ZNF680: variants seen among roughly 807,000 people sequenced by gnomAD.
The protein encoded by ZNF680 is hypothetical protein FLJ90430.
Under a neutral mutation model 12.1 loss-of-function variants are expected in ZNF680, and 6 were observed. That is an observed-to-expected ratio of 0.49 (90% CI 0.27 to 0.98). The LOEUF (loss-of-function observed/expected upper bound fraction) is 0.98. Ranked by LOEUF, ZNF680 falls within the 50% of genes least tolerant of loss-of-function variation. The pLI is 0.12. For missense variants in ZNF680, 561 were observed against 616.3 expected (o/e 0.91, Z 0.95); for synonymous variants, 170 against 199.3 (o/e 0.85, Z 1.24).
chr7:64,557,465 G>C (rs531152094), intron 1 of ZNF680, among the ~76,000 whole-genome samples: 142 of 151,762 alleles, frequency 9.4e-4, no homozygotes, highest in African/African-American at 2.8e-3. Context: ...TGAGGCTGGA[G>C]AATCGCTTGA....
chr7:64,553,348 A>C (rs1452508012), intron 1 of ZNF680, among the ~76,000 whole-genome samples: 1 of 152,162 alleles, frequency 6.6e-6, no homozygotes, highest in Non-Finnish European at 1.5e-5. Flanking sequence ...AAATGCTTTA[A>C]GAAAAGAGAG....
intron 3 of ZNF680, among the ~76,000 whole-genome samples, chr7:64,534,623 G>C (rs1786061862): frequency 1.3e-5 from 2 of 152,074 alleles, no homozygotes. Flanking sequence ...AAGAACTAAA[G>C]GTAGAACTAC....
the ZNF680 span, among the ~76,000 whole-genome samples, chr7:64,501,997 C>CTTTT: frequency 0.012 from 1,274 of 104,378 alleles, 118 homozygotes; most frequent in African/African-American, 0.045. Context: ...GGACGTATTT[C>CTTTT]TTTTTTTTTT....
chr7:64,554,379 C>T (rs1466984063), intron 1 of ZNF680, among the ~76,000 whole-genome samples: 2 of 151,408 alleles, frequency 1.3e-5, no homozygotes, highest in Non-Finnish European at 2.9e-5. Context: ...TGGGGGGCAG[C>T]CCCAGCCCGG....
chr7:64,510,925 A>T, the ZNF680 span, among the ~76,000 whole-genome samples: 1,959 of 55,854 alleles, frequency 0.035, 422 homozygotes, highest in African/African-American at 0.2. Context: ...AAAAAAATAA[A>T]AAATAAAAAA....
At chr7:64,541,911 G>C (rs1169583473) in intron 3 of ZNF680, among the ~76,000 whole-genome samples, 1 of 152,152 alleles carries the variant, frequency 6.6e-6, no homozygotes, top group African/African-American at 2.4e-5. Context: ...TTCACGGCCA[G>C]TTCTGCCTAT....
At chr7:64,525,794 T>C (rs1034890127) in intron 3 of ZNF680, 57 of 977,522 alleles carry the variant, frequency 5.8e-5, no homozygotes, top group South Asian at 5.2e-4. Context: ...CATGAATAAA[T>C]AGATGTTGAA....
chr7:64,506,233 G>GT, the ZNF680 span, among the ~76,000 whole-genome samples: 2 of 125,668 alleles, frequency 1.6e-5, no homozygotes, highest in East Asian at 4.6e-4. Context: ...GTCTTGCTGT[G>GT]TTGCCCAGGC....
At chr7:64,526,345 T>C in intron 3 of ZNF680, 8 of 1,243,170 alleles carry the variant, frequency 6.4e-6, no homozygotes. Flanking sequence ...CTTTTCAAAA[T>C]AAAAGGTGAC....
At position 64,527,750 on chromosome 7, in the gene ZNF680, T is replaced by A. The variant is rs574959457; in HGVS notation, c.254-5250A>T. ...TGAGAAGCCAAGGTGGGCTGATCAGTTGATCTCAAGAATTTGAGGACAAAT... is the reference window on the plus strand; with the variant it reads ...TGAGAAGCCAAGGTGGGCTGATCAGATGATCTCAAGAATTTGAGGACAAAT... On this transcript the variant is annotated intron_variant, in intron 3 of 3. Coordinates refer to ENST00000309683, the MANE Select transcript of ZNF680 (RefSeq NM_178558.5). 3.3e-5 allele frequency among the ~76,000 whole-genome samples: 5 copies of A among 150,850 alleles called. No individual in the cohort carries two copies. The South Asian group carries it at 8.4e-4, about 25-fold the overall frequency.
At chr7:64,539,351 C>CA (rs1170166478) in intron 3 of ZNF680, among the ~76,000 whole-genome samples, 657 of 48,308 alleles carry the variant, frequency 0.014, 18 homozygotes, top group East Asian at 0.12. Context: ...AACTTCGTCT[C>CA]AAAAAAAAAA....
chr7:64,508,393 C>A, the ZNF680 span, among the ~76,000 whole-genome samples: 7 of 151,908 alleles, frequency 4.6e-5, no homozygotes, highest in Admixed American at 3.3e-4. Context: ...ACTATTATAG[C>A]CCCAGATTGA....
chr7:64,523,740 T>C (rs1023175600), intron 3 of ZNF680, among the ~76,000 whole-genome samples: 80 of 151,770 alleles, frequency 5.3e-4, no homozygotes, highest in Non-Finnish European at 9.9e-4. Context: ...GGTGAAACCC[T>C]GTCTCTACTA....
the ZNF680 span, among the ~76,000 whole-genome samples, chr7:64,502,994 G>A: frequency 6.6e-6 from 1 of 152,092 alleles, no homozygotes; most frequent in East Asian, 1.9e-4. Context: ...TCAGTGTCAG[G>A]TGCCAGATTC....
rs1431147688 is a variant in ZNF680, at chr7:64,521,973, T to A, written c.781A>T (p.Ile261Phe). The A allele has an allele frequency of 5.0e-6, 8 of 1,612,604 alleles. No homozygotes were observed. The highest frequency in any genetic ancestry group is 5.9e-6 in the Non-Finnish European group (7 of 1,179,440). The part of the protein sequence containing the change: ...STLIKHKKIH[I>F]EEKPFKCEEC... ...TCACATTTGAAGGGTTTCTCTTCAA[T>A]ATGAATTTTCTTATGTTTAATAAGG... The change falls in exon 4 of 4, where the codon ATT becomes TTT. Residue 261 changes from isoleucine (I) to phenylalanine (F), a missense_variant. Transcript: ENST00000309683.
At chr7:64,526,755 T>G (rs1371669944) in intron 3 of ZNF680, among the ~76,000 whole-genome samples, 2 of 152,170 alleles carry the variant, frequency 1.3e-5, no homozygotes, top group Non-Finnish European at 2.9e-5. Flanking sequence ...AATAATAGTT[T>G]TTAACATCAA....
At chr7:64,550,148 G>C (rs535212259) in intron 1 of ZNF680, among the ~76,000 whole-genome samples, 1 of 152,316 alleles carries the variant, frequency 6.6e-6, no homozygotes, top group East Asian at 1.9e-4. Context: ...AAAATAGAGG[G>C]ACAGAGAGTG....
At chr7:64,561,759 C>G (rs1396201436) in intron 1 of ZNF680, among the ~76,000 whole-genome samples, 1 of 150,944 alleles carries the variant, frequency 6.6e-6, no homozygotes, top group African/African-American at 2.4e-5. Context: ...TTGGTGAAAC[C>G]CTGTCCCTAC....
chr7:64,500,171 T>C, the ZNF680 span, among the ~76,000 whole-genome samples: 1 of 152,004 alleles, frequency 6.6e-6, no homozygotes, highest in African/African-American at 2.4e-5. Context: ...GTTTCTCTTC[T>C]CTTTAATTCT....
Sources: gnomAD v4.1 joint callset for allele counts (sites outside exome capture counted in the v4.1 genomes callset) on GRCh38, gnomAD v4.1.1 for gene constraint, MANE v1.5 for transcripts, NCBI Gene and HGNC (gene_info 2026-07-23, HGNC 2026-07-21) for gene names.